Variants in MECOM observed in about 807,000 individuals in gnomAD.
The protein encoded by MECOM is MDS1 and EVI1 complex locus.
In MECOM, 13 loss-of-function variants were observed where a neutral mutation model predicts 116.3. The ratio of observed to expected loss-of-function variants is 0.11; its 90% confidence interval spans 0.07 to 0.18. The LOEUF (loss-of-function observed/expected upper bound fraction) is 0.18, where lower values mean the gene tolerates loss of function less well. MECOM is among the 10% of genes least tolerant of loss of function. The pLI is 1.00. For missense variants in MECOM, 1,299 were observed against 1,509.0 expected (o/e 0.86, Z 2.31); for synonymous variants, 528 against 535.2 (o/e 0.99, Z 0.19).
At chr3:169,299,510 A>G (rs1273421340) in intron 2 of MECOM, among the ~76,000 whole-genome samples, 1 of 152,170 alleles carries the variant, frequency 6.6e-6, no homozygotes, top group African/African-American at 2.4e-5. Context: ...ATCATTTACT[A>G]ACAGCTTTTC....
chr3:169,658,926 G>C (rs1560545612), intron 1 of MECOM, among the ~76,000 whole-genome samples: 1 of 152,120 alleles, frequency 6.6e-6, no homozygotes, highest in Non-Finnish European at 1.5e-5. Flanking sequence ...TGTCCTTCTA[G>C]CCCGGGGAGG....
chr3:169,531,746 A>C (rs1223482420), intron 1 of MECOM, among the ~76,000 whole-genome samples: 1 of 152,216 alleles, frequency 6.6e-6, no homozygotes, highest in African/African-American at 2.4e-5. Flanking sequence ...TCACATGAAA[A>C]TAAAGCCTGT....
intron 2 of MECOM, among the ~76,000 whole-genome samples, chr3:169,359,688 G>C (rs2149820459): frequency 6.6e-6 from 1 of 151,848 alleles, no homozygotes; most frequent in South Asian, 2.1e-4. Flanking sequence ...TGCTTTGGAA[G>C]ATACAAGCAA....
rs1553863165 is a variant in MECOM, at chr3:169,472,533, A to AAAAGGAAAGG, written c.38-91019_38-91010dup. Among the ~76,000 whole-genome samples, 74 of 85,156 alleles carry AAAAGGAAAGG rather than the reference A, an allele frequency of 8.7e-4. 5 individuals carry two copies. Among genetic ancestry groups the AAAAGGAAAGG allele is most frequent in the African/African-American group, 2.5e-3 (42 of 16,486 alleles). 55.9% of individuals were successfully genotyped at this position (85,156 alleles called of 152,430 possible). A position where few individuals can be genotyped will look rare whatever the true frequency, so the allele number is the denominator to read the frequency against. ...GAAAGGAAAGGAAAGAAAAGAAAAGAAAAGGAAAGGAAAGGAAAAGAAAAG... is the reference window on the plus strand; with the variant it reads ...GAAAGGAAAGGAAAGAAAAGAAAAGAAAAGGAAAGGAAAGGAAAGGAAAGGAAAAGAAAAG... On this transcript the variant is annotated intron_variant, in intron 1 of 16. Transcript: ENST00000651503.
At chr3:169,238,902 C>T (rs1277357160) in intron 2 of MECOM, among the ~76,000 whole-genome samples, 1 of 151,992 alleles carries the variant, frequency 6.6e-6, no homozygotes, top group East Asian at 1.9e-4. Context: ...TATGATTAAT[C>T]CTATAAAATG....
intron 1 of MECOM, among the ~76,000 whole-genome samples, chr3:169,422,448 C>T (rs1025740422): frequency 6.6e-6 from 1 of 152,086 alleles, no homozygotes; most frequent in African/African-American, 2.4e-5. Flanking sequence ...CAGCAAATTA[C>T]AGAGAAAGAG....
intron 2 of MECOM, among the ~76,000 whole-genome samples, chr3:169,212,636 G>GTA (rs61115570): frequency 9.2e-4 from 24 of 26,058 alleles, no homozygotes; most frequent in Non-Finnish European, 1.2e-3. Flanking sequence ...AGTCAGCAAT[G>GTA]TATATATATA....
rs759006018 is a variant in MECOM at position 169,127,970 on chromosome 3, G to A, written c.704C>T (p.Pro235Leu). Residue 235 changes from proline to leucine, a missense_variant, in exon 5 of 17, where the codon CCT becomes CTT. Transcript: ENST00000651503. Reference protein sequence around the residue: ...ADHQKFPCSTPHSAFSMVEED... With the variant: ...ADHQKFPCSTLHSAFSMVEED... Reference sequence around the variant, plus strand: ...TTCAACCATTGAAAATGCTGAGTGAGGAGTACTGCATGGAAACTTTTGGTG... The same window carrying A: ...TTCAACCATTGAAAATGCTGAGTGAAGAGTACTGCATGGAAACTTTTGGTG... 3 of 1,614,036 alleles carry A rather than the reference G, an allele frequency of 1.9e-6. No homozygotes were observed. The South Asian group carries it at 3.3e-5, about 18-fold the overall frequency.
At chr3:169,266,323 A>T (rs1156632562) in intron 2 of MECOM, among the ~76,000 whole-genome samples, 1 of 152,220 alleles carries the variant, frequency 6.6e-6, no homozygotes, top group African/African-American at 2.4e-5. Context: ...CCCCACATTA[A>T]GACCTGGGTA....
At chr3:169,195,741 GA>G (rs1292519022) in intron 2 of MECOM, among the ~76,000 whole-genome samples, 2 of 151,882 alleles carry the variant, frequency 1.3e-5, no homozygotes, top group Non-Finnish European at 2.9e-5. Flanking sequence ...ATGATTGAAT[GA>G]AAAAAATGGG....
chr3:169,192,779 C>T (rs1452153325), intron 2 of MECOM, among the ~76,000 whole-genome samples: 1 of 152,012 alleles, frequency 6.6e-6, no homozygotes, highest in Non-Finnish European at 1.5e-5. Context: ...GTGAAACTTG[C>T]ATAAAGACCT....
In MECOM at chr3:169,191,577, A is replaced by T. The variant is rs528773900; in HGVS notation, c.376-47745T>A. On this transcript the variant is annotated intron_variant, in intron 2 of 16. Coordinates refer to ENST00000651503, the MANE Select transcript of MECOM (RefSeq NM_004991.4). ...ATGTAAGGAAAGAGTGAAGGTAGGG[A>T]GAAAGAAGTGGAAGAAAGAAAGAAC... Among the ~76,000 whole-genome samples the T allele has an allele frequency of 3.3e-5, 5 of 151,070 alleles. No individual in the cohort carries two copies. In the East Asian group the frequency reaches 9.8e-4, roughly 29 times the overall value.
At chr3:169,617,822 T>C (rs1770206719) in intron 1 of MECOM, among the ~76,000 whole-genome samples, 1 of 152,184 alleles carries the variant, frequency 6.6e-6, no homozygotes, top group African/African-American at 2.4e-5. Flanking sequence ...TCAGAGTCTA[T>C]ACCAACCATT....
chr3:169,470,211 T>C (rs1455257919), intron 1 of MECOM: 1 of 152,030 alleles, frequency 6.6e-6, no homozygotes, highest in African/African-American at 2.4e-5. Context: ...AGAGAGCAAA[T>C]CACAAAAGAT....
intron 1 of MECOM, among the ~76,000 whole-genome samples, chr3:169,426,563 A>T (rs1277049813): frequency 6.6e-6 from 1 of 152,222 alleles, no homozygotes; most frequent in Non-Finnish European, 1.5e-5. Context: ...CTCAACCTGA[A>T]AAGTGTTTTT....
At chr3:169,330,959 C>G (rs369031721) in intron 2 of MECOM, among the ~76,000 whole-genome samples, 3 of 151,452 alleles carry the variant, frequency 2.0e-5, no homozygotes, top group African/African-American at 7.3e-5. Context: ...GTTCAATTAC[C>G]TATATATTTA....
chr3:169,191,786 G>GAAAGAAAC (rs1559974140), intron 2 of MECOM, among the ~76,000 whole-genome samples: 1 of 147,936 alleles, frequency 6.8e-6, no homozygotes, highest in Non-Finnish European at 1.5e-5. Context: ...AAGAAAGAAA[G>GAAAGAAAC]AAAGAAAGGG....
intron 2 of MECOM, among the ~76,000 whole-genome samples, chr3:169,173,289 A>G (rs1744707960): frequency 6.6e-6 from 1 of 152,016 alleles, no homozygotes; most frequent in Admixed American, 6.6e-5. Flanking sequence ...CTGCTAGCTG[A>G]GGAAATGCTG....
intron 1 of MECOM, among the ~76,000 whole-genome samples, chr3:169,619,229 C>G (rs1770395499): frequency 6.6e-6 from 1 of 152,186 alleles, no homozygotes; most frequent in South Asian, 2.1e-4. Context: ...GCAGCGCATC[C>G]CCAGTCGGGC....
Sources: gnomAD v4.1 joint callset for allele counts (sites outside exome capture counted in the v4.1 genomes callset) on GRCh38, gnomAD v4.1.1 for gene constraint, MANE v1.5 for transcripts, NCBI Gene and HGNC (gene_info 2026-07-23, HGNC 2026-07-21) for gene names.